KCND2: variants seen among roughly 807,000 people sequenced by gnomAD.
KCND2 encodes the protein A-type voltage-gated potassium channel KCND2.
KCND2 carries 16 observed loss-of-function variants against 54.4 expected under a neutral mutation model. The observed-to-expected ratio is 0.29, with a 90% CI of 0.20 to 0.45. The LOEUF (loss-of-function observed/expected upper bound fraction) is 0.45. Among genes scored for constraint, KCND2 ranks in the 20% least tolerant of loss-of-function variants. The pLI is 1.00. For synonymous variants in KCND2, 317 were observed against 310.7 expected (o/e 1.02, Z -0.21); for missense variants, 486 against 824.2 (o/e 0.59, Z 5.02).
At chr7:120,509,782 G>A (rs1019747988) in intron 1 of KCND2, among the ~76,000 whole-genome samples, 1 of 151,996 alleles carries the variant, frequency 6.6e-6, no homozygotes. Context: ...TCATGTACTC[G>A]AAATGGATTT....
chr7:120,745,561 C>T (rs1177898708), intron 4 of KCND2, among the ~76,000 whole-genome samples: 1 of 151,816 alleles, frequency 6.6e-6, no homozygotes, highest in Non-Finnish European at 1.5e-5. Context: ...CTAAATCAGC[C>T]TACAGATGTC....
At chr7:120,302,959 T>C (rs1295823860) in intron 1 of KCND2, among the ~76,000 whole-genome samples, 1 of 152,178 alleles carries the variant, frequency 6.6e-6, no homozygotes, top group Non-Finnish European at 1.5e-5. Flanking sequence ...ACACAACATT[T>C]AGAGACAGAG....
chr7:120,478,216 A>G (rs547531798), intron 1 of KCND2, among the ~76,000 whole-genome samples: 1 of 152,184 alleles, frequency 6.6e-6, no homozygotes. Flanking sequence ...CAAATAAGAA[A>G]TATGTTCTAA....
chr7:120,557,695 A>C (rs889679939), intron 1 of KCND2, among the ~76,000 whole-genome samples: 2 of 152,154 alleles, frequency 1.3e-5, no homozygotes, highest in African/African-American at 4.8e-5. Flanking sequence ...TAATTGATTT[A>C]CAGGTCTCTC....
intron 1 of KCND2, among the ~76,000 whole-genome samples, chr7:120,463,774 C>A (rs1802322072): frequency 6.6e-6 from 1 of 152,024 alleles, no homozygotes; most frequent in African/African-American, 2.4e-5. Flanking sequence ...CTAGAAAAGG[C>A]TGCAGGTTGG....
intron 1 of KCND2, among the ~76,000 whole-genome samples, chr7:120,537,012 G>A (rs1791920522): frequency 1.3e-5 from 2 of 152,186 alleles, no homozygotes; most frequent in South Asian, 4.1e-4. Context: ...TTAGAATGGT[G>A]AATACTTCCA....
intron 1 of KCND2, among the ~76,000 whole-genome samples, chr7:120,486,435 G>A (rs149031045): frequency 5.3e-5 from 8 of 152,116 alleles, no homozygotes; most frequent in African/African-American, 1.9e-4. Context: ...TCCTGTGAGG[G>A]TGAAAAAGTA....
At chr7:120,374,258 C>T (rs533007370) in intron 1 of KCND2, among the ~76,000 whole-genome samples, 86 of 151,790 alleles carry the variant, frequency 5.7e-4, no homozygotes, top group Non-Finnish European at 1.2e-3. Flanking sequence ...AATTCTAATG[C>T]TTATGACAAT....
chr7:120,551,900 T>C (rs1052524885), intron 1 of KCND2, among the ~76,000 whole-genome samples: 2 of 152,172 alleles, frequency 1.3e-5, no homozygotes, highest in Non-Finnish European at 2.9e-5. Flanking sequence ...TCTGGAGTTA[T>C]AGCACTTTCT....
rs539681973 is a variant in KCND2 at position 120,656,200 on chromosome 7, G to A, written c.1116-76703G>A. ...TATCCCTTTTCATGGCTGGCCTGGCGTTCCTGGCCATCAGTTGTGATATAC... is the reference window on the plus strand; with the variant it reads ...TATCCCTTTTCATGGCTGGCCTGGCATTCCTGGCCATCAGTTGTGATATAC... On this transcript the variant is annotated intron_variant, in intron 1 of 5. Coordinates refer to ENST00000331113, the MANE Select transcript of KCND2 (RefSeq NM_012281.3). 7.9e-5 allele frequency among the ~76,000 whole-genome samples: 12 copies of A among 152,126 alleles called. No homozygotes were observed. In the South Asian group the frequency reaches 1.2e-3, roughly 16 times the overall value.
chr7:120,637,678 T>C (rs1793321899), intron 1 of KCND2, among the ~76,000 whole-genome samples: 1 of 152,154 alleles, frequency 6.6e-6, no homozygotes, highest in Non-Finnish European at 1.5e-5. Context: ...AATCACTGTT[T>C]AGGTGAAAAA....
At chr7:120,379,127 A>G (rs1800879445) in intron 1 of KCND2, among the ~76,000 whole-genome samples, 1 of 152,084 alleles carries the variant, frequency 6.6e-6, no homozygotes, top group Admixed American at 6.6e-5. Context: ...TGATTCTAAC[A>G]TACATCATAG....
At chr7:120,432,647 GTTTA>G (rs1036868207) in intron 1 of KCND2, among the ~76,000 whole-genome samples, 8 of 151,998 alleles carry the variant, frequency 5.3e-5, no homozygotes, top group Non-Finnish European at 1.2e-4. Context: ...TTGTTTGTTT[GTTTA>G]TTTGTTTTTT....
chr7:120,644,120 C>T (rs1036111933), intron 1 of KCND2, among the ~76,000 whole-genome samples: 1 of 152,014 alleles, frequency 6.6e-6, no homozygotes, highest in African/African-American at 2.4e-5. Context: ...TCTGCAGAGA[C>T]ACAACTTACC....
chr7:120,499,864 T>C (rs1802907194), intron 1 of KCND2, among the ~76,000 whole-genome samples: 1 of 152,172 alleles, frequency 6.6e-6, no homozygotes, highest in Non-Finnish European at 1.5e-5. Flanking sequence ...CTTCATCTTA[T>C]TTATCCTATT....
intron 1 of KCND2, among the ~76,000 whole-genome samples, chr7:120,402,432 A>AT (rs1362187868): frequency 1.3e-5 from 2 of 152,116 alleles, no homozygotes; most frequent in Admixed American, 6.6e-5. Context: ...GTTGTTTTTA[A>AT]TTTTTTTAAC....
At chr7:120,567,945 C>T (rs762315059) in intron 1 of KCND2, among the ~76,000 whole-genome samples, 1 of 152,166 alleles carries the variant, frequency 6.6e-6, no homozygotes, top group African/African-American at 2.4e-5. Flanking sequence ...ATCAATGATG[C>T]ATGTAATATT....
At chr7:120,339,713 A>G (rs149566482) in intron 1 of KCND2, among the ~76,000 whole-genome samples, 13 of 152,318 alleles carry the variant, frequency 8.5e-5, no homozygotes, top group Non-Finnish European at 1.5e-4. Flanking sequence ...ACACACACAC[A>G]AATTATTGAG....
intron 1 of KCND2, among the ~76,000 whole-genome samples, chr7:120,507,033 T>C (rs1468474548): frequency 6.6e-6 from 1 of 151,914 alleles, no homozygotes; most frequent in East Asian, 1.9e-4. Flanking sequence ...ACATGGACAT[T>C]ATGATAAATT....
Sources: gnomAD v4.1 joint callset for allele counts (sites outside exome capture counted in the v4.1 genomes callset) on GRCh38, gnomAD v4.1.1 for gene constraint, MANE v1.5 for transcripts, NCBI Gene and HGNC (gene_info 2026-07-23, HGNC 2026-07-21) for gene names.